The following ENTREP2 variants were observed in gnomAD, a reference collection of about 807,000 sequenced individuals.
The protein encoded by ENTREP2 is protein ENTREP2.
At chr15:29,602,623 C>T in the ENTREP2 span, among the ~76,000 whole-genome samples, 1 of 152,114 alleles carries the variant, frequency 6.6e-6, no homozygotes, top group Non-Finnish European at 1.5e-5. Context: ...TTGCAACCTC[C>T]ACCTCCTGGA....
chr15:29,478,006 TATATATATA>T, the ENTREP2 span, among the ~76,000 whole-genome samples: 13 of 76,964 alleles, frequency 1.7e-4, no homozygotes, highest in African/African-American at 6.0e-4. Context: ...TATATATATA[TATATATATA>T]TATATTTTTT....
chr15:29,592,934 G>A, the ENTREP2 span, among the ~76,000 whole-genome samples: 21 of 152,260 alleles, frequency 1.4e-4, no homozygotes, highest in South Asian at 1.9e-3. Flanking sequence ...ATGAGTGGAA[G>A]CTCCCTGAGG....
the ENTREP2 span, among the ~76,000 whole-genome samples, chr15:29,130,587 C>G: frequency 3.3e-3 from 495 of 152,226 alleles, 4 homozygotes; most frequent in Admixed American, 0.025. Context: ...AGAAAATATA[C>G]AGTGGGACAA....
chr15:29,139,211 C>G, the ENTREP2 span, among the ~76,000 whole-genome samples: 167 of 152,244 alleles, frequency 1.1e-3, no homozygotes, highest in African/African-American at 3.9e-3. Flanking sequence ...GGCTGGTGGC[C>G]GTGTCTAAAG....
chr15:29,637,988 T>A, the ENTREP2 span, among the ~76,000 whole-genome samples: 2 of 152,192 alleles, frequency 1.3e-5, no homozygotes, highest in Non-Finnish European at 2.9e-5. Context: ...CAAATGGACA[T>A]GGAGTACAAG....
the ENTREP2 span, among the ~76,000 whole-genome samples, chr15:29,507,382 G>C: frequency 2.0e-5 from 3 of 152,286 alleles, no homozygotes; most frequent in East Asian, 1.9e-4. Context: ...TTCAGGACTT[G>C]AACTCAGCTC....
the ENTREP2 span, among the ~76,000 whole-genome samples, chr15:29,450,000 A>G: frequency 6.6e-6 from 1 of 152,166 alleles, no homozygotes; most frequent in African/African-American, 2.4e-5. Flanking sequence ...TCTAATGATA[A>G]GTGATATTGA....
chr15:29,576,113 G>A, the ENTREP2 span, among the ~76,000 whole-genome samples: 4 of 152,208 alleles, frequency 2.6e-5, no homozygotes, highest in Non-Finnish European at 5.9e-5. Context: ...AAACAGCATG[G>A]TACTGGCATA....
the ENTREP2 span, chr15:29,269,436 G>A: frequency 4.3e-6 from 7 of 1,614,056 alleles, no homozygotes; most frequent in Admixed American, 1.7e-5. Flanking sequence ...GCACCAGCTC[G>A]GACACTTTCA....
At chr15:29,652,724 C>G in the ENTREP2 span, among the ~76,000 whole-genome samples, 3 of 152,220 alleles carry the variant, frequency 2.0e-5, no homozygotes, top group Non-Finnish European at 4.4e-5. Flanking sequence ...GTGCTGGTAC[C>G]TGGAAACTGC....
At chr15:29,431,708 A>G in the ENTREP2 span, among the ~76,000 whole-genome samples, 1 of 152,184 alleles carries the variant, frequency 6.6e-6, no homozygotes, top group African/African-American at 2.4e-5. Context: ...ACTCAGCTTG[A>G]GGAAAAACAG....
At chr15:29,555,250 AGCACCT>A in the ENTREP2 span, among the ~76,000 whole-genome samples, 1 of 152,248 alleles carries the variant, frequency 6.6e-6, no homozygotes, top group Non-Finnish European at 1.5e-5. Flanking sequence ...ACCTCTCCGT[AGCACCT>A]GAATTTTCTA....
chr15:29,171,184 T>G, the ENTREP2 span, among the ~76,000 whole-genome samples: 5 of 152,348 alleles, frequency 3.3e-5, no homozygotes, highest in Non-Finnish European at 7.3e-5. Context: ...GCATTGAGGA[T>G]TATGTTTCCA....
chr15:29,646,949 C>T, the ENTREP2 span, among the ~76,000 whole-genome samples: 3 of 152,208 alleles, frequency 2.0e-5, no homozygotes, highest in African/African-American at 7.2e-5. Context: ...ATTGCCTTGA[C>T]CACCATATGA....
At chr15:29,400,198 G>A in the ENTREP2 span, among the ~76,000 whole-genome samples, 1 of 152,114 alleles carries the variant, frequency 6.6e-6, no homozygotes, top group South Asian at 2.1e-4. Flanking sequence ...TGATGGGCAG[G>A]GTTAGGACAC....
the ENTREP2 span, among the ~76,000 whole-genome samples, chr15:29,648,886 C>T: frequency 6.6e-6 from 1 of 152,074 alleles, no homozygotes; most frequent in Non-Finnish European, 1.5e-5. Flanking sequence ...TTGCAGTGAG[C>T]CAAGACTGTG....
chr15:29,462,004 A>G, the ENTREP2 span, among the ~76,000 whole-genome samples: 1 of 152,094 alleles, frequency 6.6e-6, no homozygotes, highest in Non-Finnish European at 1.5e-5. Context: ...TCATACAGTT[A>G]TTCGTCCTTT....
At chr15:29,638,757 A>G in the ENTREP2 span, among the ~76,000 whole-genome samples, 1 of 152,280 alleles carries the variant, frequency 6.6e-6, no homozygotes, top group South Asian at 2.1e-4. Context: ...CCTAGCAAGT[A>G]AATAAATCCA....
the ENTREP2 span, among the ~76,000 whole-genome samples, chr15:29,657,047 T>G: frequency 9.9e-5 from 15 of 152,120 alleles, no homozygotes; most frequent in Non-Finnish European, 1.8e-4. Context: ...GTGGTGAGTG[T>G]TACAGCTCTT....
Sources: gnomAD v4.1 joint callset for allele counts (sites outside exome capture counted in the v4.1 genomes callset) on GRCh38, gnomAD v4.1.1 for gene constraint, MANE v1.5 for transcripts, NCBI Gene and HGNC (gene_info 2026-07-23, HGNC 2026-07-21) for gene names.